CADPS2: variants seen among roughly 807,000 people sequenced by gnomAD.
The protein encoded by CADPS2 is calcium-dependent secretion activator 2.
Under a neutral mutation model 172.5 loss-of-function variants are expected in CADPS2, and 93 were observed. The observed-to-expected ratio is 0.54, with a 90% CI of 0.46 to 0.64. The LOEUF (loss-of-function observed/expected upper bound fraction) is 0.64. Among genes scored for constraint, CADPS2 ranks in the 30% least tolerant of loss-of-function variants. The pLI is 0.00. For missense variants in CADPS2, 1,420 were observed against 1,565.9 expected (o/e 0.91, Z 1.57); for synonymous variants, 546 against 555.2 (o/e 0.98, Z 0.23).
intron 8 of CADPS2, among the ~76,000 whole-genome samples, chr7:122,532,717 A>G (rs982854539): frequency 2.6e-5 from 4 of 152,172 alleles, no homozygotes; most frequent in Non-Finnish European, 4.4e-5. Flanking sequence ...AAAAATGAAA[A>G]GAATAAAAGC....
chr7:122,376,232 G>A (rs1563183762), intron 25 of CADPS2, among the ~76,000 whole-genome samples: 1 of 152,106 alleles, frequency 6.6e-6, no homozygotes, highest in Non-Finnish European at 1.5e-5. Flanking sequence ...TGGGTATATA[G>A]CCAAAGGAAT....
intron 2 of CADPS2, among the ~76,000 whole-genome samples, chr7:122,679,580 A>C (rs936141019): frequency 6.6e-6 from 1 of 152,082 alleles, no homozygotes; most frequent in Non-Finnish European, 1.5e-5. Context: ...CCCTTAAAGC[A>C]TGTGATCTCT....
intron 13 of CADPS2, among the ~76,000 whole-genome samples, 182 bp downstream of exon 13, chr7:122,474,199 T>C (rs1324744454): frequency 6.6e-6 from 1 of 152,160 alleles, no homozygotes; most frequent in Non-Finnish European, 1.5e-5. Context: ...AATTTTCAAA[T>C]TGGGAAGCAA....
chr7:122,645,502 G>GTATATATATACTTATATATATATAATTA (rs2078370066), intron 3 of CADPS2, among the ~76,000 whole-genome samples: 1 of 101,770 alleles, frequency 9.8e-6, no homozygotes, highest in Non-Finnish European at 1.9e-5. Context: ...ATATATATAA[G>GTATATATATACTTATATATATATAATTA]TATATATATA....
chr7:122,486,545 G>A (rs1282635998), intron 11 of CADPS2, among the ~76,000 whole-genome samples: 1 of 152,216 alleles, frequency 6.6e-6, no homozygotes, highest in African/African-American at 2.4e-5. Context: ...TCCTTTGGGT[G>A]AAGCAAAGAA....
chr7:122,809,649 C>G (rs1189217821), intron 1 of CADPS2, among the ~76,000 whole-genome samples: 1 of 151,414 alleles, frequency 6.6e-6, no homozygotes. Context: ...ATATTTTGGT[C>G]TAATTTGGCA....
At chr7:122,655,520 C>T (rs938499073) in intron 3 of CADPS2, among the ~76,000 whole-genome samples, 6 of 152,080 alleles carry the variant, frequency 3.9e-5, no homozygotes, top group African/African-American at 7.2e-5. Flanking sequence ...AATTAAGATA[C>T]ATAGGTTATT....
At chr7:122,560,795 T>C (rs981589693) in intron 7 of CADPS2, among the ~76,000 whole-genome samples, 1 of 152,208 alleles carries the variant, frequency 6.6e-6, no homozygotes, top group African/African-American at 2.4e-5. Flanking sequence ...AGACAGTCTC[T>C]AGCAAATCTT....
At chr7:122,539,118 T>C (rs1035516358) in intron 8 of CADPS2, among the ~76,000 whole-genome samples, 1 of 152,118 alleles carries the variant, frequency 6.6e-6, no homozygotes, top group Non-Finnish European at 1.5e-5. Flanking sequence ...TGCTATGGTT[T>C]GAATGTGTCT....
intron 8 of CADPS2, among the ~76,000 whole-genome samples, chr7:122,532,292 G>A (rs1204516277): frequency 2.0e-5 from 3 of 152,046 alleles, no homozygotes; most frequent in Admixed American, 1.3e-4. Flanking sequence ...ATTACCTTAA[G>A]TCTTCAGGCT....
At chr7:122,618,714 G>A (rs2075249986) in intron 5 of CADPS2, among the ~76,000 whole-genome samples, 1 of 152,146 alleles carries the variant, frequency 6.6e-6, no homozygotes, top group Non-Finnish European at 1.5e-5. Flanking sequence ...TATGGGGTCT[G>A]AGGAGCAAGG....
At position 122,355,779 on chromosome 7, in the gene CADPS2, T is replaced by C. The variant is rs568482040; in HGVS notation, c.3504+5009A>G. Among the ~76,000 whole-genome samples, 4 of 152,268 alleles carry C rather than the reference T, an allele frequency of 2.6e-5. No individual in the cohort carries two copies. In the South Asian group the frequency reaches 8.3e-4, roughly 32 times the overall value. On this transcript the variant is annotated intron_variant, in intron 27 of 29. Coordinates refer to ENST00000449022, the MANE Select transcript of CADPS2 (RefSeq NM_017954.11). The stretch of plus-strand genomic sequence containing the variant: ...ACAGTTAAAAGAACTAATGCAGTTA[T>C]GTAGCTTATTCACTCATTTTATAGA...
chr7:122,389,673 T>A (rs978526725), intron 22 of CADPS2, among the ~76,000 whole-genome samples: 2 of 152,140 alleles, frequency 1.3e-5, no homozygotes, highest in African/African-American at 4.8e-5. Flanking sequence ...TATTGAAATT[T>A]AACCATAAAA....
At chr7:122,450,521 C>CTTTTTTT (rs11422329) in intron 15 of CADPS2, among the ~76,000 whole-genome samples, 1 of 79,130 alleles carries the variant, frequency 1.3e-5, no homozygotes. Context: ...TATTGGTGGC[C>CTTTTTTT]TTTTTTTTTT....
At chr7:122,532,043 AAC>A (rs963955445) in intron 8 of CADPS2, among the ~76,000 whole-genome samples, 3 of 151,746 alleles carry the variant, frequency 2.0e-5, no homozygotes, top group African/African-American at 7.3e-5. Flanking sequence ...AAAAAAAAAA[AAC>A]AAAACAAACA....
At chr7:122,781,412 TTG>T (rs768075102) in intron 1 of CADPS2, among the ~76,000 whole-genome samples, 2 of 152,154 alleles carry the variant, frequency 1.3e-5, no homozygotes, top group African/African-American at 2.4e-5. Flanking sequence ...CTTTCACAGT[TTG>T]TGTTTCTACT....
chr7:122,374,957 C>A (rs1219874345), intron 25 of CADPS2, among the ~76,000 whole-genome samples: 3 of 152,150 alleles, frequency 2.0e-5, no homozygotes, highest in African/African-American at 4.8e-5. Context: ...ACAATAGCAT[C>A]AAAAATAATG....
At chr7:122,855,719 G>T (rs1375682455) in intron 1 of CADPS2, among the ~76,000 whole-genome samples, 1 of 152,182 alleles carries the variant, frequency 6.6e-6, no homozygotes, top group Admixed American at 6.5e-5. Flanking sequence ...AATGCAGACT[G>T]CTTCTACATC....
intron 1 of CADPS2, among the ~76,000 whole-genome samples, chr7:122,835,593 C>T (rs1274332597): frequency 6.6e-6 from 1 of 152,106 alleles, no homozygotes; most frequent in Non-Finnish European, 1.5e-5. Flanking sequence ...CCTTAAATGA[C>T]CTGATGGAAC....
Sources: allele counts gnomAD v4.1 joint callset (sites outside exome capture counted in the v4.1 genomes callset), GRCh38; gene constraint gnomAD v4.1.1; transcripts MANE v1.5; gene names NCBI Gene and HGNC (gene_info 2026-07-23, HGNC 2026-07-21).